Variants in ZEB1 observed in about 807,000 individuals in gnomAD.
ZEB1 encodes zinc finger E-box-binding homeobox 1.
A neutral mutation model predicts 84.9 loss-of-function variants in ZEB1; 21 were observed. The ratio of observed to expected loss-of-function variants is 0.25; its 90% CI spans 0.18 to 0.36. The LOEUF (loss-of-function observed/expected upper bound fraction) is 0.36, where lower values mean the gene tolerates loss of function less well. Ranked by LOEUF, ZEB1 falls within the 10% of genes least tolerant of loss-of-function variation. ZEB1 has a pLI of 1.00. For synonymous variants in ZEB1, 420 were observed against 471.1 expected, an observed-to-expected ratio of 0.89 and a Z score of 1.41; for missense variants, 1,104 against 1,330.2, an observed-to-expected ratio of 0.83 and a Z score of 2.65.
chr10:31,475,929 A>G (rs1374465057), intron 2 of ZEB1, among the ~76,000 whole-genome samples: 1 of 152,146 alleles, frequency 6.6e-6, no homozygotes, highest in Non-Finnish European at 1.5e-5. Flanking sequence ...AAAAAAACAC[A>G]CATATTAATA....
intron 1 of ZEB1, among the ~76,000 whole-genome samples, chr10:31,336,325 G>T (rs370097216): frequency 6.6e-6 from 1 of 152,122 alleles, no homozygotes; most frequent in Non-Finnish European, 1.5e-5. Context: ...AATAATTGGG[G>T]TTGTTGGTTA....
chr10:31,517,682 A>G (rs1383193397), intron 6 of ZEB1, among the ~76,000 whole-genome samples: 1 of 152,104 alleles, frequency 6.6e-6, no homozygotes. Context: ...TAACAAATAT[A>G]GTGACTTTGG....
rs1360895201 is a variant in ZEB1, at chr10:31,520,083, T to C, written c.794-43T>C. The C allele has an allele frequency of 6.2e-7, 1 of 1,601,646 alleles. No individual in the cohort carries two copies. The highest frequency in any genetic ancestry group is 1.1e-5 in the South Asian group (1 of 89,898). On this transcript the variant is annotated intron_variant, in intron 6 of 8. Transcript: ENST00000424869. The surrounding 1 kb of genome is among the most constrained non-coding windows in gnomAD (Gnocchi z 5.1). The stretch of plus-strand genomic sequence containing the variant: ...AAATGAGGATACATAAAAATTTATA[T>C]GTAATAATTCAGTGAATATAATTTG...
chr10:31,458,333 GTGT>G (rs200364632), intron 1 of ZEB1, among the ~76,000 whole-genome samples: 5,099 of 109,448 alleles, frequency 0.047, 287 homozygotes, highest in African/African-American at 0.32. Context: ...GTGTGTGTGT[GTGT>G]TGTGTGTGTG....
At chr10:31,442,156 C>T (rs2059088588) in intron 1 of ZEB1, among the ~76,000 whole-genome samples, 1 of 152,196 alleles carries the variant, frequency 6.6e-6, no homozygotes, top group Non-Finnish European at 1.5e-5. Flanking sequence ...TTGGAACCAA[C>T]CCAAATGTCC....
rs1224258912 is a variant in ZEB1, at chr10:31,512,041, A to G, written c.687+1166A>G. 9.2e-5 allele frequency among the ~76,000 whole-genome samples: 14 copies of G among 152,162 alleles called. 1 individual carries two copies. Among genetic ancestry groups the G allele is most frequent in the Admixed American group, 9.2e-4 (14 of 15,274 alleles). The stretch of plus-strand genomic sequence containing the variant: ...GAGAAGGACGAAATTAATACAGAGA[A>G]GGGACGACTGAAGGCAAACTCCGTC... On this transcript the variant is annotated intron_variant, in intron 5 of 8. Transcript: ENST00000424869.
At chr10:31,433,342 G>A (rs1451408495) in intron 1 of ZEB1, among the ~76,000 whole-genome samples, 1 of 152,156 alleles carries the variant, frequency 6.6e-6, no homozygotes, top group Non-Finnish European at 1.5e-5. Context: ...CTCAGCTGCA[G>A]TTAACATGTT....
intron 1 of ZEB1, among the ~76,000 whole-genome samples, chr10:31,391,231 TTGTGTGTGTGTGTGTGTGTGTG>T (rs780805467): frequency 7.4e-6 from 1 of 134,690 alleles, no homozygotes. Context: ...ACAGGTAAGT[TTGTGTGTGTGTGTGTGTGTGTG>T]TGTGTGTGTG....
chr10:31,492,487 T>C (rs1458739415), intron 2 of ZEB1, among the ~76,000 whole-genome samples: 3 of 151,634 alleles, frequency 2.0e-5, no homozygotes, highest in Non-Finnish European at 4.4e-5. Flanking sequence ...TATAACGGGG[T>C]TTATCAATAT....
At chr10:31,412,876 C>T (rs1369438433) in intron 1 of ZEB1, among the ~76,000 whole-genome samples, 1 of 152,186 alleles carries the variant, frequency 6.6e-6, no homozygotes, top group African/African-American at 2.4e-5. Context: ...GTAAAACTCT[C>T]CTGTATCCTC....
intron 2 of ZEB1, among the ~76,000 whole-genome samples, chr10:31,484,015 C>G (rs2065407244): frequency 6.6e-6 from 1 of 151,914 alleles, no homozygotes; most frequent in African/African-American, 2.4e-5. Context: ...AAGGCCATTC[C>G]CAGCTTCTAG....
intron 1 of ZEB1, among the ~76,000 whole-genome samples, chr10:31,382,167 C>A (rs1471944553): frequency 6.6e-6 from 1 of 152,022 alleles, no homozygotes; most frequent in Non-Finnish European, 1.5e-5. Context: ...TGCATGCCAC[C>A]TTGGTTTCTG....
chr10:31,467,280 C>G (rs977365250), intron 2 of ZEB1, among the ~76,000 whole-genome samples: 3 of 152,078 alleles, frequency 2.0e-5, no homozygotes, highest in African/African-American at 7.2e-5. Context: ...CACAAGGAGC[C>G]CAAAAGCCTT....
At chr10:31,335,537 A>G (rs12248389) in intron 1 of ZEB1, among the ~76,000 whole-genome samples, 1,865 of 152,338 alleles carry the variant, frequency 0.012, 36 homozygotes, top group African/African-American at 0.042. Context: ...TTAAAGGAAA[A>G]GAATCATGTG....
chr10:31,523,917 A>G lies in ZEB1; in HGVS notation c.2605-16A>G, dbSNP rs1474099924. On this transcript the variant is annotated splice_polypyrimidine_tract_variant and intron_variant, in intron 7 of 8. Transcript: ENST00000424869. The stretch of plus-strand genomic sequence containing the variant: ...TTAATGTTAAATTACATTTTCTCAC[A>G]CCTTTCTCCCTCTAGGATGAAAGAC... The G allele has an allele frequency of 6.2e-7, 1 of 1,612,740 alleles. No homozygotes were observed. The highest frequency in any genetic ancestry group is 1.1e-5 in the South Asian group (1 of 91,048).
At chr10:31,398,031 A>G (rs1286888285) in intron 1 of ZEB1, among the ~76,000 whole-genome samples, 1 of 152,232 alleles carries the variant, frequency 6.6e-6, no homozygotes, top group Non-Finnish European at 1.5e-5. Flanking sequence ...TGGATTTGAA[A>G]GTGTATGAAC....
intron 4 of ZEB1, among the ~76,000 whole-genome samples, chr10:31,507,212 T>C (rs897579617): frequency 1.4e-4 from 22 of 152,316 alleles, no homozygotes; most frequent in African/African-American, 5.3e-4. Context: ...ATTAGTCGTA[T>C]GGAGGTTCCC....
At chr10:31,452,685 C>G (rs1373287006) in intron 1 of ZEB1, among the ~76,000 whole-genome samples, 1 of 133,588 alleles carries the variant, frequency 7.5e-6, no homozygotes, top group Non-Finnish European at 1.6e-5. Context: ...ATGCCAGTGA[C>G]TGTATTTAGG....
chr10:31,415,252 A>T (rs945559469), intron 1 of ZEB1, among the ~76,000 whole-genome samples: 11 of 152,112 alleles, frequency 7.2e-5, no homozygotes, highest in African/African-American at 2.7e-4. Context: ...AGTGCTAGTA[A>T]AATATATAGC....
Sources: gnomAD v4.1 joint callset for allele counts (sites outside exome capture counted in the v4.1 genomes callset) on GRCh38, gnomAD v4.1.1 for gene constraint, Gnocchi (gnomAD v3.1) non-coding constraint, MANE v1.5 for transcripts, NCBI Gene and HGNC (gene_info 2026-07-23, HGNC 2026-07-21) for gene names.